The following PIP5K1C variants were observed in gnomAD, a reference collection of about 807,000 sequenced individuals.
The protein encoded by PIP5K1C is phosphatidylinositol 4-phosphate 5-kinase type-1 gamma.
A neutral mutation model predicts 80.1 loss-of-function variants in PIP5K1C; 45 were observed. The ratio of observed to expected loss-of-function variants is 0.56; its 90% CI spans 0.44 to 0.72. The LOEUF (loss-of-function observed/expected upper bound fraction) is 0.72. Among genes scored for constraint, PIP5K1C ranks in the 30% least tolerant of loss-of-function variants. PIP5K1C has a pLI of 0.00. For missense variants in PIP5K1C, 753 were observed against 954.6 expected, an observed-to-expected ratio of 0.79 and a Z score of 2.78; for synonymous variants, 498 against 420.1, an observed-to-expected ratio of 1.19 and a Z score of -2.27.
chr19:3,696,716 A>G lies in PIP5K1C; in HGVS notation c.94+3581T>C. Among the ~76,000 whole-genome samples the G allele has an allele frequency of 2.3e-5, 1 of 43,546 alleles. No homozygotes were observed. The highest frequency in any genetic ancestry group is 7.1e-5 in the African/African-American group (1 of 14,008). 28.6% of individuals were successfully genotyped at this position (43,546 alleles called of 152,430 possible). A position where few individuals can be genotyped will look rare whatever the true frequency, so the allele number is the denominator to read the frequency against. ...TACAGCAGAGTGCAGACGGGAGGGC[A>G]GGGAGGGCAGAGTGCGGAGGGGAGG... is the stretch of plus-strand genomic sequence containing the variant. On this transcript the variant is annotated intron_variant, in intron 1 of 17. Coordinates refer to ENST00000335312, the MANE Select transcript of PIP5K1C (RefSeq NM_012398.3). The surrounding 1 kb of genome is among the most constrained non-coding windows in gnomAD (Gnocchi z 4.1).
Position 3,700,321 on chromosome 19 carries a change from CCCA to C in PIP5K1C, c.67_69del (p.Trp23del), listed in dbSNP as rs1243475690. The C allele has an allele frequency of 7.7e-7, 1 of 1,295,808 alleles. No individual in the cohort carries two copies. Among genetic ancestry groups the C allele is most frequent in the Non-Finnish European group, 9.9e-7 (1 of 1,005,388 alleles). 80.3% of individuals were successfully genotyped at this position (1,295,808 alleles called of 1,614,324 possible). A position where few individuals can be genotyped will look rare whatever the true frequency, so the allele number is the denominator to read the frequency against. On this transcript the variant is annotated inframe_deletion, in exon 1 of 18. Transcript: ENST00000335312. ...CCTGCCGCCGCCCCGCTCTCTGCCG[CCCA>C]CGCCGCCTCCGAGGGCACGGCCCCC...
Position 3,648,448 on chromosome 19 carries a change from CCT to C in PIP5K1C, c.1211+175_1211+176del, listed in dbSNP as rs2034319042. On this transcript the variant is annotated intron_variant, in intron 9 of 17. Transcript: ENST00000335312. This position sits in a 1 kb window ranked among gnomAD's most constrained non-coding sequence, Gnocchi z 4.3. ...GTGCGGCTGTTTCCACGGGCAAGCG[CCT>C]CTGTGCATGGGTGTCCTGGGGGCGC... Among the ~76,000 whole-genome samples, 1 of 152,172 alleles carries C rather than the reference CCT, an allele frequency of 6.6e-6. No homozygotes were observed. Among genetic ancestry groups the C allele is most frequent in the South Asian group, 2.1e-4 (1 of 4,828 alleles).
At chr19:3,639,243 G>A (rs988455569) in intron 15 of PIP5K1C, among the ~76,000 whole-genome samples, 9 of 152,132 alleles carry the variant, frequency 5.9e-5, no homozygotes, top group Admixed American at 2.0e-4. Context: ...GGAGTGACCC[G>A]CCAGCCCGCT....
At chr19:3,658,223 G>A (rs1194756337) in intron 5 of PIP5K1C, among the ~76,000 whole-genome samples, 1 of 152,212 alleles carries the variant, frequency 6.6e-6, no homozygotes, top group Non-Finnish European at 1.5e-5. Context: ...TGGATTTTGC[G>A]GAGTCAGCAA....
intron 1 of PIP5K1C, among the ~76,000 whole-genome samples, chr19:3,677,354 A>G (rs988105568): frequency 6.6e-6 from 1 of 152,166 alleles, no homozygotes; most frequent in African/African-American, 2.4e-5. Context: ...AGGCCGAGGC[A>G]GGCGGGTCAC....
intron 4 of PIP5K1C, 149 bp from the exon 5 acceptor site, chr19:3,661,232 C>T (rs2034823511): frequency 1.7e-6 from 1 of 602,082 alleles, no homozygotes; most frequent in Admixed American, 2.9e-5. Flanking sequence ...CCACAAGCAA[C>T]AGGGGGCTCC....
chr19:3,633,416 G>C (rs2033531696), intron 17 of PIP5K1C, 21 bp downstream of exon 17: 2 of 1,448,012 alleles, frequency 1.4e-6, no homozygotes, highest in African/African-American at 1.4e-5. Context: ...GGACCGGCGG[G>C]TGCACCTGGG....
intron 1 of PIP5K1C, among the ~76,000 whole-genome samples, chr19:3,677,202 T>C (rs766420035): frequency 6.6e-6 from 1 of 152,170 alleles, no homozygotes; most frequent in Non-Finnish European, 1.5e-5. Context: ...GGGGTGTGGC[T>C]GTGAGAGCCG....
intron 1 of PIP5K1C, among the ~76,000 whole-genome samples, chr19:3,694,492 G>A (rs1320625703): frequency 3.3e-5 from 5 of 152,098 alleles, no homozygotes; most frequent in Non-Finnish European, 2.9e-5. Context: ...CAGGCCCCTC[G>A]TCTGCCTCCA....
chr19:3,672,014 C>T (rs1374789114), intron 1 of PIP5K1C, among the ~76,000 whole-genome samples: 3 of 152,316 alleles, frequency 2.0e-5, no homozygotes, highest in East Asian at 1.9e-4. Context: ...AGGCCCGAGG[C>T]GGGGGCTCTG....
At chr19:3,635,390 T>C (rs895979062) in intron 16 of PIP5K1C, among the ~76,000 whole-genome samples, 1 of 151,730 alleles carries the variant, frequency 6.6e-6, no homozygotes, top group African/African-American at 2.4e-5. Context: ...CTACTAAAAA[T>C]ACAAAGATTA....
At chr19:3,684,498 G>A (rs1262845588) in intron 1 of PIP5K1C, among the ~76,000 whole-genome samples, 1 of 152,236 alleles carries the variant, frequency 6.6e-6, no homozygotes, top group Admixed American at 6.5e-5. Flanking sequence ...CCTCCAGTAC[G>A]ATGCTGGGGC....
rs928046947 is a variant in PIP5K1C, at chr19:3,696,268, C to G, written c.94+4029G>C. Among the ~76,000 whole-genome samples, 1 of 152,230 alleles carries G rather than the reference C, an allele frequency of 6.6e-6. No individual in the cohort carries two copies. Among genetic ancestry groups the G allele is most frequent in the African/African-American group, 2.4e-5 (1 of 41,456 alleles). Reference sequence around the variant, plus strand: ...ACCCTTCCTCCCTGGCACTGCTGGCCTCATGCACCTGATGTTCACCAGGAT... The same window carrying G: ...ACCCTTCCTCCCTGGCACTGCTGGCGTCATGCACCTGATGTTCACCAGGAT... On this transcript the variant is annotated intron_variant, in intron 1 of 17. Transcript: ENST00000335312. This position sits in a 1 kb window ranked among gnomAD's most constrained non-coding sequence, Gnocchi z 4.1.
In PIP5K1C at chr19:3,656,471, G is replaced by A. The variant is rs1219499782; in HGVS notation, c.555C>T (p.Phe185=). 2 of 1,613,628 alleles carry A rather than the reference G, an allele frequency of 1.2e-6. No individual in the cohort carries two copies. Among genetic ancestry groups the A allele is most frequent in the Admixed American group, 1.7e-5 (1 of 59,996 alleles). ...SLFYVTSDDE[F]IIKTVMHKEA... is the part of the protein sequence containing the mutation. The stretch of plus-strand genomic sequence containing the variant: ...CCTTGTGCATGACGGTCTTGATGAT[G>A]AACTCGTCGTCGCTGGTGACGTAGA... The change falls in exon 6 of 18, where the codon TTC becomes TTT. Residue 185 remains phenylalanine (F), a synonymous_variant. Coordinates refer to ENST00000335312, the MANE Select transcript of PIP5K1C (RefSeq NM_012398.3).
Position 3,683,038 on chromosome 19 carries a change from G to A in PIP5K1C, c.95-15685C>T, listed in dbSNP as rs555437808. ...GCCCTAGGGCCTCCGCACAGGCTGC[G>A]CCTCTGCCTGGAACTCTCTCTCCCA... On this transcript the variant is annotated intron_variant, in intron 1 of 17. Coordinates refer to ENST00000335312, the MANE Select transcript of PIP5K1C (RefSeq NM_012398.3). Among the ~76,000 whole-genome samples the A allele has an allele frequency of 8.0e-5, 12 of 150,412 alleles. No individual in the cohort carries two copies. The South Asian group carries it at 1.5e-3, about 19-fold the overall frequency.
chr19:3,637,326 G>A lies in PIP5K1C; in HGVS notation c.1920+1558C>T. 6.5e-7 allele frequency: 1 copy of A among 1,531,084 alleles called. No homozygotes were observed. Among genetic ancestry groups the A allele is most frequent in the South Asian group, 1.2e-5 (1 of 83,510 alleles). 94.8% of individuals were successfully genotyped at this position (1,531,084 alleles called of 1,614,324 possible). A position where few individuals can be genotyped will look rare whatever the true frequency, so the allele number is the denominator to read the frequency against. On this transcript the variant is annotated intron_variant, in intron 16 of 17. Transcript: ENST00000335312. This position sits in a 1 kb window ranked among gnomAD's most constrained non-coding sequence, Gnocchi z 7.0. The stretch of plus-strand genomic sequence containing the variant: ...CCCTATGGAGCGCCCGGTTCGACGT[G>A]GGACCGAATGACATTCCCAGTGACG...
chr19:3,666,059 C>T (rs1023003238), intron 2 of PIP5K1C, among the ~76,000 whole-genome samples: 2 of 152,190 alleles, frequency 1.3e-5, no homozygotes, highest in African/African-American at 4.8e-5. Context: ...ATTCACCCCG[C>T]CACCCGGGCC....
At chr19:3,677,206 AGAGCC>A (rs1207906965) in intron 1 of PIP5K1C, among the ~76,000 whole-genome samples, 2 of 152,262 alleles carry the variant, frequency 1.3e-5, no homozygotes, top group Admixed American at 6.5e-5. Context: ...TGTGGCTGTG[AGAGCC>A]GCCACTGCAG....
At chr19:3,668,130 G>T (rs2035075619) in intron 1 of PIP5K1C, among the ~76,000 whole-genome samples, 1 of 152,044 alleles carries the variant, frequency 6.6e-6, no homozygotes, top group Non-Finnish European at 1.5e-5. Context: ...AGGCCTGCAG[G>T]ATTGAGCCAA....
Sources: allele counts gnomAD v4.1 joint callset (sites outside exome capture counted in the v4.1 genomes callset), GRCh38; gene constraint gnomAD v4.1.1; non-coding constraint Gnocchi (gnomAD v3.1); transcripts MANE v1.5; gene names NCBI Gene and HGNC (gene_info 2026-07-23, HGNC 2026-07-21).